NSD1: variants seen among roughly 807,000 people sequenced by gnomAD.
NSD1 encodes nuclear receptor binding SET domain protein 1.
A neutral mutation model predicts 242.7 loss-of-function variants in NSD1; 26 were observed. The observed-to-expected ratio is 0.11, with a 90% CI of 0.08 to 0.15. NSD1 has a LOEUF of 0.15. NSD1 is among the 10% of genes least tolerant of loss of function. NSD1 has a pLI of 1.00. For missense variants in NSD1, 2,495 were observed against 3,272.8 expected, an observed-to-expected ratio of 0.76 and a Z score of 5.80; for synonymous variants, 1,106 against 1,178.1, an observed-to-expected ratio of 0.94 and a Z score of 1.25.
intron 2 of NSD1, among the ~76,000 whole-genome samples, chr5:177,184,013 C>G (rs768448158): frequency 1.3e-5 from 2 of 152,142 alleles, no homozygotes; most frequent in Admixed American, 6.6e-5. Flanking sequence ...TGTATATGTA[C>G]CACATTTGCT....
chr5:177,238,254 A>G lies in NSD1; in HGVS notation c.3939A>G (p.Glu1313=). 1 of 1,614,144 alleles carries G rather than the reference A, an allele frequency of 6.2e-7. No individual in the cohort carries two copies. Among genetic ancestry groups the G allele is most frequent in the Non-Finnish European group, 8.5e-7 (1 of 1,180,038 alleles). The part of the protein sequence containing the change: ...EQVHKVSSRC[E]EESLLARGRS... ...GTTCTTAGGTAAGTTCCCGCTGTGA[A>G]GAGGAAAGCCTTCTAGCCCGAGGTC... The change falls in exon 7 of 23, where the codon GAA becomes GAG. Residue 1313 remains glutamate (E), a synonymous_variant. Transcript: ENST00000439151. This position sits in a 1 kb window ranked among gnomAD's most constrained non-coding sequence, Gnocchi z 4.6.
At chr5:177,170,086 C>G (rs1033220017) in intron 2 of NSD1, among the ~76,000 whole-genome samples, 5 of 151,854 alleles carry the variant, frequency 3.3e-5, no homozygotes, top group Non-Finnish European at 7.4e-5. Flanking sequence ...TCTCCTGCCT[C>G]AGCCTCCCGA....
intron 4 of NSD1, among the ~76,000 whole-genome samples, chr5:177,208,553 A>G (rs562976747): frequency 6.9e-6 from 1 of 143,954 alleles, no homozygotes; most frequent in East Asian, 2.0e-4. Context: ...TTTGAGAAAG[A>G]GTCTTGCTCT....
In NSD1 at chr5:177,280,725, G is replaced by T. The variant is rs1419620643; in HGVS notation, c.5783G>T (p.Gly1928Val). 1 of 1,614,250 alleles carries T rather than the reference G, an allele frequency of 6.2e-7. No homozygotes were observed. The highest frequency in any genetic ancestry group is 8.5e-7 in the Non-Finnish European group (1 of 1,180,048). The change falls in exon 18 of 23, where the codon GGA becomes GTA. Residue 1928 changes from glycine to valine, a missense_variant. Transcript: ENST00000439151. ...YECHPTVCPAGGRCQNQCFSK... is the reference protein window; with the variant it reads ...YECHPTVCPAVGRCQNQCFSK... The stretch of plus-strand genomic sequence containing the variant: ...TGCCACCCCACAGTGTGTCCTGCCG[G>T]AGGGCGCTGTCAAAACCAGTGCTTT...
At chr5:177,138,681 C>T (rs1057188469) in intron 2 of NSD1, among the ~76,000 whole-genome samples, 9 of 151,876 alleles carry the variant, frequency 5.9e-5, no homozygotes, top group Non-Finnish European at 1.2e-4. Flanking sequence ...CTCTTGTTGC[C>T]CAGGCTGGAG....
chr5:177,248,105 A>C, intron 10 of NSD1, 76 bp from the exon 11 acceptor site: 3 of 1,589,414 alleles, frequency 1.9e-6, no homozygotes, highest in Non-Finnish European at 2.6e-6. Flanking sequence ...CTAGACAAAT[A>C]GCAGCCCAGA....
At chr5:177,282,697 C>A in intron 19 of NSD1, 116 bp downstream of exon 19, 1 of 837,938 alleles carries the variant, frequency 1.2e-6, no homozygotes, top group Admixed American at 1.7e-5. Context: ...TTCCCATACC[C>A]ATTGGGATTG....
chr5:177,258,515 TTTTGTTGTTGTTGTTG>T (rs1339284297), intron 13 of NSD1, among the ~76,000 whole-genome samples: 2 of 151,864 alleles, frequency 1.3e-5, no homozygotes, highest in African/African-American at 4.8e-5. Context: ...AACAAGTTGT[TTTTGTTGTTGTTGTTG>T]TTTGTTGTTG....
chr5:177,293,128 A>G (rs994201926), intron 22 of NSD1, among the ~76,000 whole-genome samples: 12 of 152,200 alleles, frequency 7.9e-5, no homozygotes, highest in African/African-American at 1.9e-4. Context: ...GGCGCAGGCT[A>G]TGATAGAACC....
In NSD1 at chr5:177,238,264, C is replaced by A; in HGVS notation, c.3949C>A (p.Leu1317Ile). Residue 1317 changes from leucine (L) to isoleucine (I), a missense_variant, in exon 7 of 23, where the codon CTT (leucine) becomes ATT (isoleucine). Coordinates refer to ENST00000439151, the MANE Select transcript of NSD1 (RefSeq NM_022455.5). The surrounding 1 kb of genome is among the most constrained non-coding windows in gnomAD (Gnocchi z 4.6). ...AAGTTCCCGCTGTGAAGAGGAAAGC[C>A]TTCTAGCCCGAGGTCGATCTAGTGC... ...KVSSRCEEES[L>I]LARGRSSAQN... The A allele has an allele frequency of 6.2e-7, 1 of 1,614,116 alleles. No homozygotes were observed. The highest frequency in any genetic ancestry group is 8.5e-7 in the Non-Finnish European group (1 of 1,180,038).
chr5:177,210,399 A>G lies in NSD1; in HGVS notation c.2000A>G (p.Asp667Gly). 1 of 1,614,164 alleles carries G rather than the reference A, an allele frequency of 6.2e-7. No individual in the cohort carries two copies. The highest frequency in any genetic ancestry group is 8.5e-7 in the Non-Finnish European group (1 of 1,180,022). Residue 667 changes from aspartate (D) to glycine (G), a missense_variant, in exon 5 of 23, where the codon GAT (aspartate) becomes GGT (glycine). By Grantham distance (94) the Asp-to-Gly change is moderately conservative. Around this residue, in one of 19 missense-constraint regions of NSD1, gnomAD observed 515 missense variants for 467.0 expected, o/e 1.10. Coordinates refer to ENST00000439151, the MANE Select transcript of NSD1 (RefSeq NM_022455.5). ...ESDNSVLEIP[D>G]AFDRTENMLS... ...GATAACAGTGTCCTTGAAATTCCAG[A>G]TGCTTTCGATAGAACAGAGAACATG...
chr5:177,165,748 A>G (rs905752564), intron 2 of NSD1, among the ~76,000 whole-genome samples: 9 of 151,888 alleles, frequency 5.9e-5, no homozygotes, highest in African/African-American at 1.7e-4. Context: ...ACAGGTGTAC[A>G]CCACCATGCC....
chr5:177,197,768 G>A (rs1253411668), intron 3 of NSD1, among the ~76,000 whole-genome samples: 2 of 152,208 alleles, frequency 1.3e-5, no homozygotes, highest in Non-Finnish European at 2.9e-5. Flanking sequence ...GACCACTGTA[G>A]TTTAAGGACG....
At chr5:177,158,293 C>CTTTTCTT (rs59738936) in intron 2 of NSD1, among the ~76,000 whole-genome samples, 1 of 77,674 alleles carries the variant, frequency 1.3e-5, no homozygotes, top group East Asian at 4.3e-4. Context: ...TTCTTTCTTT[C>CTTTTCTT]TTTCTTTCTT....
At chr5:177,159,013 TATATATATATATGAATG>T (rs1290354564) in intron 2 of NSD1, among the ~76,000 whole-genome samples, 31 of 132,784 alleles carry the variant, frequency 2.3e-4, no homozygotes, top group South Asian at 1.0e-3. Flanking sequence ...TATATATATA[TATATATATATATGAATG>T]ATATATATAT....
chr5:177,212,287 G>A (rs2149850190), intron 5 of NSD1, 92 bp downstream of exon 5: 1 of 1,302,758 alleles, frequency 7.7e-7, no homozygotes, highest in Non-Finnish European at 1.1e-6. Flanking sequence ...TAATGGTAAA[G>A]TGAAGTATAA....
At chr5:177,190,981 C>CTT (rs1182246710) in intron 2 of NSD1, among the ~76,000 whole-genome samples, 32 of 71,180 alleles carry the variant, frequency 4.5e-4, no homozygotes, top group African/African-American at 1.3e-3. Flanking sequence ...TTTTTTTTTT[C>CTT]TTTTTTTTTT....
At chr5:177,280,896 C>A (rs2127257840) in intron 18 of NSD1, 62 bp downstream of exon 18, 2 of 1,530,656 alleles carry the variant, frequency 1.3e-6, no homozygotes, top group Non-Finnish European at 1.8e-6. Context: ...TATCATTGAT[C>A]CTTGACATTA....
At position 177,295,128 on chromosome 5, in the gene NSD1, A is replaced by G; in HGVS notation, c.7760A>G (p.Gln2587Arg). 1.2e-6 allele frequency: 2 copies of G among 1,613,488 alleles called. No homozygotes were observed. The highest frequency in any genetic ancestry group is 1.1e-5 in the South Asian group (1 of 91,082). The change falls in exon 23 of 23, where the codon CAG (glutamine) becomes CGG (arginine). Residue 2587 changes from glutamine (Q) to arginine (R), a missense_variant. By Grantham distance (43) the Gln-to-Arg change is conservative. Coordinates refer to ENST00000439151, the MANE Select transcript of NSD1 (RefSeq NM_022455.5). This position sits in a 1 kb window ranked among gnomAD's most constrained non-coding sequence, Gnocchi z 4.3. ...CAGGCGAAGCAGATGGTCGGAGGCC[A>G]GCAACTACCTGCACTTGCCGCCAAG... ...VKQAKQMVGG[Q>R]QLPALAAKSG...
Sources: gnomAD v4.1 joint callset for allele counts (sites outside exome capture counted in the v4.1 genomes callset) on GRCh38, gnomAD v4.1.1 for gene constraint, gnomAD v4.1.1 regional missense constraint, Gnocchi (gnomAD v3.1) non-coding constraint, MANE v1.5 for transcripts, NCBI Gene and HGNC (gene_info 2026-07-23, HGNC 2026-07-21) for gene names.